PLCE1: variants seen among roughly 807,000 people sequenced by gnomAD.
PLCE1 encodes 1-phosphatidylinositol 4,5-bisphosphate phosphodiesterase epsilon-1.
In PLCE1, 119 loss-of-function variants were observed where a neutral mutation model predicts 242.8. The ratio of observed to expected loss-of-function variants is 0.49; its 90% CI spans 0.42 to 0.57. The LOEUF (loss-of-function observed/expected upper bound fraction) is 0.57, where lower values mean the gene tolerates loss of function less well. PLCE1 is among the 20% of genes least tolerant of loss of function. The probability of loss-of-function intolerance (pLI) is 0.00; values close to 1 mark genes in which losing one functional copy is unlikely to be tolerated. For synonymous variants in PLCE1, 945 were observed against 1,017.4 expected (o/e 0.93, Z 1.35); for missense variants, 2,441 against 2,788.8 (o/e 0.88, Z 2.81).
intron 6 of PLCE1, among the ~76,000 whole-genome samples, 190 bp downstream of exon 6, chr10:94,234,502 A>ACATAGT (rs1263805657): frequency 2.0e-5 from 3 of 152,172 alleles, no homozygotes; most frequent in African/African-American, 7.2e-5. Flanking sequence ...GCTGTGTGGG[A>ACATAGT]CATAGTATTG....
intron 3 of PLCE1, among the ~76,000 whole-genome samples, chr10:94,166,031 T>C (rs2047791360): frequency 6.6e-6 from 1 of 152,208 alleles, no homozygotes; most frequent in African/African-American, 2.4e-5. Flanking sequence ...TCAAAAGTAC[T>C]GTTATATGTG....
At position 94,325,270 on chromosome 10, in the gene PLCE1, T is replaced by A. The variant is rs186344040; in HGVS notation, c.*24+166T>A. Reference sequence around the variant, plus strand: ...AGGAAAAGGGCTCTGAAGATATGTGTAACATGATATGCTATTGAACACCGC... The same window carrying A: ...AGGAAAAGGGCTCTGAAGATATGTGAAACATGATATGCTATTGAACACCGC... On this transcript the variant is annotated intron_variant, in intron 32 of 32. Coordinates refer to ENST00000371380, the MANE Select transcript of PLCE1 (RefSeq NM_016341.4). 4.1e-5 allele frequency: 25 copies of A among 612,934 alleles called. No individual in the cohort carries two copies. In the East Asian group the frequency reaches 6.3e-4, roughly 15 times the overall value. 38.0% of individuals were successfully genotyped at this position (612,934 alleles called of 1,614,324 possible). A position where few individuals can be genotyped will look rare whatever the true frequency, so the allele number is the denominator to read the frequency against.
chr10:94,072,334 T>C (rs1348137164), intron 2 of PLCE1, among the ~76,000 whole-genome samples: 1 of 152,070 alleles, frequency 6.6e-6, no homozygotes, highest in Non-Finnish European at 1.5e-5. Context: ...CGGAGTGCAG[T>C]GGGGCGATCT....
At chr10:94,134,287 C>T (rs993331880) in intron 3 of PLCE1, among the ~76,000 whole-genome samples, 5 of 151,912 alleles carry the variant, frequency 3.3e-5, no homozygotes, top group Admixed American at 6.6e-5. Context: ...TTAGTAGAGA[C>T]GGGGTTTTGC....
At chr10:93,995,669 C>G (rs866577698) in intron 1 of PLCE1, among the ~76,000 whole-genome samples, 5 of 152,280 alleles carry the variant, frequency 3.3e-5, no homozygotes, top group South Asian at 2.1e-4. Context: ...TAATGTTTAC[C>G]ATTAACACTA....
intron 2 of PLCE1, among the ~76,000 whole-genome samples, chr10:94,071,319 T>C (rs184619564): frequency 6.6e-6 from 1 of 152,162 alleles, no homozygotes; most frequent in Admixed American, 6.5e-5. Context: ...TCTTTTTTTC[T>C]CCTCTGGGAA....
chr10:94,238,624 T>G (rs553372310), intron 7 of PLCE1, among the ~76,000 whole-genome samples: 1 of 152,350 alleles, frequency 6.6e-6, no homozygotes, highest in South Asian at 2.1e-4. Flanking sequence ...ATTACTTTTT[T>G]ATTTACCAGC....
chr10:94,103,888 C>G (rs1454126736), intron 2 of PLCE1, among the ~76,000 whole-genome samples: 2 of 152,226 alleles, frequency 1.3e-5, no homozygotes, highest in Non-Finnish European at 2.9e-5. Flanking sequence ...AGGACATTCT[C>G]ATTTCGGGTC....
chr10:94,191,595 C>T (rs774176970), intron 4 of PLCE1, among the ~76,000 whole-genome samples: 10 of 151,882 alleles, frequency 6.6e-5, no homozygotes, highest in Admixed American at 2.6e-4. Flanking sequence ...GAGCTGAGTT[C>T]GTGCCACTGC....
chr10:94,125,036 G>A (rs988565124), intron 2 of PLCE1, among the ~76,000 whole-genome samples: 2 of 152,132 alleles, frequency 1.3e-5, no homozygotes, highest in Non-Finnish European at 2.9e-5. Flanking sequence ...TGTAGTCAGG[G>A]CCAAAAAACC....
intron 3 of PLCE1, among the ~76,000 whole-genome samples, chr10:94,147,890 G>A (rs1227018066): frequency 6.6e-6 from 1 of 152,164 alleles, no homozygotes; most frequent in Non-Finnish European, 1.5e-5. Context: ...TGAAAACAAT[G>A]AAATAAAGCA....
At chr10:94,249,451 C>G (rs1375454929) in intron 8 of PLCE1, among the ~76,000 whole-genome samples, 4 of 151,932 alleles carry the variant, frequency 2.6e-5, no homozygotes, top group Admixed American at 6.6e-5. Flanking sequence ...TTAAATTTAC[C>G]TATAAGCTAA....
chr10:94,043,386 C>G (rs956527342), intron 2 of PLCE1, among the ~76,000 whole-genome samples: 20 of 152,166 alleles, frequency 1.3e-4, no homozygotes, highest in African/African-American at 4.6e-4. Context: ...ACTTTTATCA[C>G]CAACACCTAC....
chr10:94,002,011 C>G (rs954864285), intron 1 of PLCE1, among the ~76,000 whole-genome samples: 1 of 151,996 alleles, frequency 6.6e-6, no homozygotes, highest in Non-Finnish European at 1.5e-5. Flanking sequence ...GCTTCTAACT[C>G]GGTCTGGCTT....
intron 2 of PLCE1, among the ~76,000 whole-genome samples, chr10:94,083,617 C>A (rs112160363): frequency 1.2e-3 from 176 of 152,318 alleles, no homozygotes; most frequent in African/African-American, 4.1e-3. Context: ...GCAGTTTCCT[C>A]TGATTTGCTA....
chr10:94,153,283 G>A (rs939878810), intron 3 of PLCE1, among the ~76,000 whole-genome samples: 2 of 151,872 alleles, frequency 1.3e-5, no homozygotes, highest in African/African-American at 4.8e-5. Flanking sequence ...ATCAATCAAT[G>A]CAATATATCA....
At chr10:94,184,061 T>C (rs1465086931) in intron 4 of PLCE1, among the ~76,000 whole-genome samples, 1 of 152,182 alleles carries the variant, frequency 6.6e-6, no homozygotes, top group Non-Finnish European at 1.5e-5. Flanking sequence ...ACTTGCAAAA[T>C]ACCCCCTGAA....
intron 3 of PLCE1, among the ~76,000 whole-genome samples, chr10:94,160,668 G>C (rs1372612849): frequency 6.6e-6 from 1 of 152,102 alleles, no homozygotes; most frequent in African/African-American, 2.4e-5. Flanking sequence ...CATTGCTTTT[G>C]GTGTTTTAGA....
intron 4 of PLCE1, among the ~76,000 whole-genome samples, chr10:94,205,532 T>A (rs1353532272): frequency 6.6e-6 from 1 of 152,180 alleles, no homozygotes; most frequent in Non-Finnish European, 1.5e-5. Flanking sequence ...ATTGAATGAC[T>A]AAATAAATAG....
Sources: gnomAD v4.1 joint callset for allele counts (sites outside exome capture counted in the v4.1 genomes callset) on GRCh38, gnomAD v4.1.1 for gene constraint, MANE v1.5 for transcripts, NCBI Gene and HGNC (gene_info 2026-07-23, HGNC 2026-07-21) for gene names.